The following PEMT variants were observed in gnomAD, a reference collection of about 807,000 sequenced individuals.
The protein encoded by PEMT is phospholipid methyltransferase.
PEMT carries 23 observed loss-of-function variants against 27.4 expected under a neutral mutation model. That is an observed-to-expected ratio of 0.84 (90% CI 0.60 to 1.19). The LOEUF is 1.19. PEMT is among the 50% of genes most tolerant of loss of function. The pLI is 0.00. For synonymous variants in PEMT, 137 were observed against 139.1 expected (o/e 0.98, Z 0.11); for missense variants, 307 against 310.1 (o/e 0.99, Z 0.07).
intron 2 of PEMT, among the ~76,000 whole-genome samples, chr17:17,568,749 C>T (rs766813552): frequency 6.6e-6 from 1 of 152,192 alleles, no homozygotes; most frequent in Non-Finnish European, 1.5e-5. Context: ...CAAACTCACA[C>T]TAAGGGTGGT....
intron 2 of PEMT, among the ~76,000 whole-genome samples, chr17:17,549,565 C>G (rs1330672322): frequency 6.6e-6 from 1 of 152,222 alleles, no homozygotes; most frequent in Non-Finnish European, 1.5e-5. Flanking sequence ...CTCACTCAAC[C>G]TCACAAAATG....
At chr17:17,583,951 T>C (rs1002462259) in intron 1 of PEMT, among the ~76,000 whole-genome samples, 1 of 152,130 alleles carries the variant, frequency 6.6e-6, no homozygotes, top group Non-Finnish European at 1.5e-5. Context: ...GATCCATAAC[T>C]CCTTTCAGGA....
At chr17:17,550,010 G>A (rs112226186) in intron 2 of PEMT, among the ~76,000 whole-genome samples, 66 of 152,358 alleles carry the variant, frequency 4.3e-4, no homozygotes, top group African/African-American at 1.4e-3. Context: ...GGTGCTGACG[G>A]AAATGGATCC....
chr17:17,581,541 G>C (rs1331672533), intron 1 of PEMT, among the ~76,000 whole-genome samples: 1 of 152,198 alleles, frequency 6.6e-6, no homozygotes, highest in South Asian at 2.1e-4. Context: ...CAAGAAATAT[G>C]CTTTTTTCAC....
chr17:17,541,041 G>T (rs962386526), intron 2 of PEMT, among the ~76,000 whole-genome samples: 2 of 152,356 alleles, frequency 1.3e-5, no homozygotes, highest in Non-Finnish European at 2.9e-5. Flanking sequence ...GCCGCTGAGT[G>T]CTCGGCTGAG....
chr17:17,522,445 A>C, intron 2 of PEMT, 50 bp from the exon 3 acceptor site: 6 of 564,040 alleles, frequency 1.1e-5, no homozygotes, highest in Non-Finnish European at 2.0e-5. Context: ...GGGAGACTCC[A>C]GGGTGGGGGT....
rs192451172 is a variant in PEMT, at chr17:17,583,876, A to G, written c.97-6849T>C. On this transcript the variant is annotated intron_variant, in intron 1 of 6. Transcript: ENST00000255389. The stretch of plus-strand genomic sequence containing the variant: ...GGAGGGGTGGAAGTTAGAATGTCAC[A>G]ATGCGACTGTGGTCTCTAGATCCCA... Among the ~76,000 whole-genome samples the G allele has an allele frequency of 1.1e-4, 17 of 152,320 alleles. No homozygotes were observed. In the South Asian group the frequency reaches 1.4e-3, roughly 13 times the overall value.
At chr17:17,520,895 G>A (rs1386167151) in intron 3 of PEMT, among the ~76,000 whole-genome samples, 1 of 152,274 alleles carries the variant, frequency 6.6e-6, no homozygotes, top group Non-Finnish European at 1.5e-5. Flanking sequence ...TGACAATGAC[G>A]AGAAGGCAGC....
At chr17:17,575,838 G>C (rs570872116) in intron 2 of PEMT, among the ~76,000 whole-genome samples, 14 of 152,338 alleles carry the variant, frequency 9.2e-5, no homozygotes, top group African/African-American at 3.1e-4. Context: ...TCTTTGGAAT[G>C]CACTGTCTTT....
At chr17:17,519,983 A>G (rs1005905937) in intron 3 of PEMT, among the ~76,000 whole-genome samples, 4 of 152,118 alleles carry the variant, frequency 2.6e-5, no homozygotes, top group Non-Finnish European at 5.9e-5. Flanking sequence ...GCCGGCCCTG[A>G]TGGTGGTCCC....
intron 2 of PEMT, among the ~76,000 whole-genome samples, chr17:17,526,550 C>T (rs962450512): frequency 6.6e-6 from 1 of 152,266 alleles, no homozygotes; most frequent in Non-Finnish European, 1.5e-5. Context: ...GTCTCTCCCC[C>T]TATCCGTGGC....
At chr17:17,527,059 C>T (rs80097961) in intron 2 of PEMT, among the ~76,000 whole-genome samples, 12,505 of 152,190 alleles carry the variant, frequency 0.082, 779 homozygotes, top group African/African-American at 0.17. Context: ...TGTTTTTAGA[C>T]GGAGTTTCGC....
Position 17,505,758 on chromosome 17 carries a change from G to A in PEMT, c.*33C>T. The A allele has an allele frequency of 1.9e-6, 3 of 1,593,512 alleles. No individual in the cohort carries two copies. In the South Asian group the frequency reaches 3.4e-5, roughly 18 times the overall value. On this transcript the variant is annotated 3_prime_UTR_variant, in exon 7 of 7. Transcript: ENST00000255389. ...GCCACTTGGGGCAGGCCAGGAGGCT[G>A]GCCAGGCCTTCAGCAAAGCTGTTGC... is the stretch of plus-strand genomic sequence containing the variant.
At chr17:17,549,386 C>T (rs1364128128) in intron 2 of PEMT, among the ~76,000 whole-genome samples, 1 of 152,112 alleles carries the variant, frequency 6.6e-6, no homozygotes, top group African/African-American at 2.4e-5. Context: ...GATGGGGTTT[C>T]ACCATATTGG....
intron 1 of PEMT, among the ~76,000 whole-genome samples, chr17:17,591,207 G>C (rs1311966277): frequency 6.7e-6 from 1 of 149,414 alleles, no homozygotes; most frequent in East Asian, 1.9e-4. Flanking sequence ...ATTTCAGTGA[G>C]ACACAATCCC....
chr17:17,509,639 T>G, intron 4 of PEMT, 94 bp from the exon 5 acceptor site: 1 of 848,102 alleles, frequency 1.2e-6, no homozygotes, highest in South Asian at 1.4e-5. Flanking sequence ...TGGCGAGACC[T>G]GCAGGTGAGA....
rs1050290740 is a variant in PEMT at position 17,505,689 on chromosome 17, C to A, written c.*102G>T. 2 of 1,349,088 alleles carry A rather than the reference C, an allele frequency of 1.5e-6. No homozygotes were observed. Among genetic ancestry groups the A allele is most frequent in the African/African-American group, 1.5e-5 (1 of 66,286 alleles). The allele number at this position is 1,349,088 out of a possible 1,614,324, so 83.6% of individuals were successfully genotyped here. Reference sequence around the variant, plus strand: ...GCACTGGGGCAGCCCACGCCGGGGGCGAGCCCTGAGCAGCAGGCACCATTC... The same window carrying A: ...GCACTGGGGCAGCCCACGCCGGGGGAGAGCCCTGAGCAGCAGGCACCATTC... On this transcript the variant is annotated 3_prime_UTR_variant, in exon 7 of 7. Transcript: ENST00000255389.
chr17:17,513,833 G>A lies in PEMT; in HGVS notation c.321-1179C>T, dbSNP rs1567667315. Among the ~76,000 whole-genome samples, 1 of 152,100 alleles carries A rather than the reference G, an allele frequency of 6.6e-6. No homozygotes were observed. The highest frequency in any genetic ancestry group is 1.5e-5 in the Non-Finnish European group (1 of 68,022). On this transcript the variant is annotated intron_variant, in intron 3 of 6. Coordinates refer to ENST00000255389, the MANE Select transcript of PEMT (RefSeq NM_148172.3). This position sits in a 1 kb window ranked among gnomAD's most constrained non-coding sequence, Gnocchi z 4.1. ...CAGGAAAGGCTGTGTGTGGGAGCAC[G>A]GACATGTGTGACCAAATGTGCTCTT...
intron 1 of PEMT, 66 bp downstream of exon 1, chr17:17,591,465 C>G: frequency 7.4e-7 from 1 of 1,342,964 alleles, no homozygotes; most frequent in Non-Finnish European, 1.0e-6. Context: ...CGCCGCAAGC[C>G]TTCACGCCCC....
Sources: gnomAD v4.1 joint callset for allele counts (sites outside exome capture counted in the v4.1 genomes callset) on GRCh38, gnomAD v4.1.1 for gene constraint, Gnocchi (gnomAD v3.1) non-coding constraint, MANE v1.5 for transcripts, NCBI Gene and HGNC (gene_info 2026-07-23, HGNC 2026-07-21) for gene names.